Variants in HDAC4 observed in about 807,000 individuals in gnomAD.
HDAC4 encodes the protein histone deacetylase A.
A neutral mutation model predicts 135.1 loss-of-function variants in HDAC4; 16 were observed. The observed-to-expected ratio is 0.12, with a 90% confidence interval of 0.08 to 0.18. HDAC4 has a LOEUF of 0.18. Ranked by LOEUF, HDAC4 falls within the 10% of genes least tolerant of loss-of-function variation. The pLI, the probability that HDAC4 is intolerant of heterozygous loss-of-function variation, is 1.00. For missense variants in HDAC4, 1,143 were observed against 1,511.8 expected, an observed-to-expected ratio of 0.76 and a Z score of 4.05; for synonymous variants, 685 against 653.4, an observed-to-expected ratio of 1.05 and a Z score of -0.74.
rs757172026 is a variant in HDAC4 at position 239,134,616 on chromosome 2, G to T, written c.1006C>A (p.Arg336=). The part of the protein sequence containing the change: ...ETSLAHRLVA[R]EGSAAPLPLY... ...GGAAGTGGAGCGGCCGAGCCTTCTC[G>T]TGCCACAAGTCTGTGCGCCAAACTC... is the stretch of plus-strand genomic sequence containing the variant. Residue 336 remains arginine, a synonymous_variant, in exon 10 of 27, where the codon CGA becomes AGA. Coordinates refer to ENST00000543185, the MANE Select transcript of HDAC4 (RefSeq NM_001378414.1). The T allele has an allele frequency of 4.3e-6, 7 of 1,614,094 alleles. No individual in the cohort carries two copies. In the South Asian group the frequency reaches 5.5e-5, roughly 13 times the overall value.
At chr2:239,228,068 C>T (rs2047342198) in intron 3 of HDAC4, among the ~76,000 whole-genome samples, 1 of 152,164 alleles carries the variant, frequency 6.6e-6, no homozygotes, top group South Asian at 2.1e-4. Context: ...GGTGGTTGAG[C>T]TGCAGGAAGG....
At chr2:239,187,181 C>G (rs957103721) in intron 4 of HDAC4, 1 of 152,456 alleles carries the variant, frequency 6.6e-6, no homozygotes, top group African/African-American at 2.4e-5. Flanking sequence ...GCAGGGAAGC[C>G]GGAGTGAGTG....
intron 22 of HDAC4, among the ~76,000 whole-genome samples, chr2:239,074,156 G>A (rs974006314): frequency 2.0e-5 from 3 of 152,204 alleles, no homozygotes; most frequent in South Asian, 2.1e-4. Context: ...AAGGAGACTC[G>A]CTTCTAATTA....
At chr2:239,260,819 T>C (rs767568908) in intron 2 of HDAC4, among the ~76,000 whole-genome samples, 3 of 152,112 alleles carry the variant, frequency 2.0e-5, no homozygotes, top group Non-Finnish European at 4.4e-5. Flanking sequence ...CGGCTCACAT[T>C]GCATTGTGCA....
At chr2:239,169,904 A>T (rs2043348135) in intron 5 of HDAC4, among the ~76,000 whole-genome samples, 1 of 152,144 alleles carries the variant, frequency 6.6e-6, no homozygotes, top group Non-Finnish European at 1.5e-5. Context: ...TATCTAATCA[A>T]TGTGCCAGGA....
At chr2:239,199,834 C>T (rs369007136) in intron 3 of HDAC4, among the ~76,000 whole-genome samples, 14 of 152,162 alleles carry the variant, frequency 9.2e-5, no homozygotes, top group South Asian at 2.1e-4. Context: ...CCCGGGCTCA[C>T]GCCATTCTCC....
intron 7 of HDAC4, among the ~76,000 whole-genome samples, chr2:239,148,325 T>C (rs1038752981): frequency 3.3e-5 from 5 of 151,840 alleles, no homozygotes; most frequent in Non-Finnish European, 7.4e-5. Context: ...GATAAAAAGA[T>C]GAAAAATGGG....
chr2:239,275,311 C>T (rs1243919080), intron 2 of HDAC4, among the ~76,000 whole-genome samples: 3 of 152,254 alleles, frequency 2.0e-5, no homozygotes, highest in Non-Finnish European at 2.9e-5. Context: ...GCTTTCTTCA[C>T]ATGTGGTTTG....
rs1352183799 is a variant in HDAC4, at chr2:239,400,174, A to G, written c.-220+804T>C. On this transcript the variant is annotated intron_variant, in intron 1 of 26. Coordinates refer to ENST00000543185, the MANE Select transcript of HDAC4 (RefSeq NM_001378414.1). This position sits in a 1 kb window ranked among gnomAD's most constrained non-coding sequence, Gnocchi z 4.7. ...CGGCCTGCTGGCGCCCTGCGGGCTG[A>G]GCCGAGCGGGTCCCGGGCAGCCCCC... is the stretch of plus-strand genomic sequence containing the variant. Among the ~76,000 whole-genome samples the G allele has an allele frequency of 6.6e-6, 1 of 151,398 alleles. No homozygotes were observed. Among genetic ancestry groups the G allele is most frequent in the Non-Finnish European group, 1.5e-5 (1 of 67,804 alleles).
intron 11 of HDAC4, among the ~76,000 whole-genome samples, chr2:239,132,862 C>A (rs6743011): frequency 6.6e-6 from 1 of 152,052 alleles, no homozygotes; most frequent in African/African-American, 2.4e-5. Context: ...TAAAGACAGG[C>A]GAGAAACTCA....
intron 2 of HDAC4, among the ~76,000 whole-genome samples, chr2:239,250,906 TC>T (rs1184410284): frequency 6.6e-6 from 1 of 152,132 alleles, no homozygotes; most frequent in African/African-American, 2.4e-5. Context: ...GATCCTCCCC[TC>T]TGCAGACCCG....
At chr2:239,242,339 T>C (rs1184936033) in intron 2 of HDAC4, among the ~76,000 whole-genome samples, 1 of 152,222 alleles carries the variant, frequency 6.6e-6, no homozygotes, top group African/African-American at 2.4e-5. Context: ...TTTCAATCCA[T>C]GAACATGGGC....
intron 2 of HDAC4, among the ~76,000 whole-genome samples, chr2:239,238,070 G>C (rs1349895544): frequency 6.6e-6 from 1 of 152,096 alleles, no homozygotes; most frequent in Non-Finnish European, 1.5e-5. Context: ...CTTTCTCAAA[G>C]AACATGGCCA....
At position 239,293,557 on chromosome 2, in the gene HDAC4, A is replaced by G. The variant is rs74786505; in HGVS notation, c.23-56893T>C. Among the ~76,000 whole-genome samples, 223 of 152,310 alleles carry G rather than the reference A, an allele frequency of 1.5e-3. 1 individual carries two copies. Among genetic ancestry groups the G allele is most frequent in the African/African-American group, 5.2e-3 (217 of 41,562 alleles). ...CTACCATGAGGTAGTTAAGGGGTCA[A>G]GAGCCAGGCAGAAGCTGAGAGCAGG... On this transcript the variant is annotated intron_variant, in intron 2 of 26. Coordinates refer to ENST00000543185, the MANE Select transcript of HDAC4 (RefSeq NM_001378414.1).
At chr2:239,339,430 T>G (rs1196342438) in intron 2 of HDAC4, among the ~76,000 whole-genome samples, 1 of 152,194 alleles carries the variant, frequency 6.6e-6, no homozygotes, top group Non-Finnish European at 1.5e-5. Flanking sequence ...GAGCCACCCC[T>G]GGGCAGTGAT....
At position 239,331,333 on chromosome 2, in the gene HDAC4, G is replaced by A. The variant is rs143126629; in HGVS notation, c.22+21345C>T. ...GAAGACAAGCAGGAAGGGGTGGGGT[G>A]GCCCTGCCCACTGCATTTCTGGTCA... On this transcript the variant is annotated intron_variant, in intron 2 of 26. Transcript: ENST00000543185. The surrounding 1 kb of genome is among the most constrained non-coding windows in gnomAD (Gnocchi z 4.5). Among the ~76,000 whole-genome samples, 223 of 152,262 alleles carry A rather than the reference G, an allele frequency of 1.5e-3. 1 individual carries two copies. Among genetic ancestry groups the A allele is most frequent in the African/African-American group, 5.0e-3 (208 of 41,542 alleles).
chr2:239,105,515 G>A (rs2038044561), intron 15 of HDAC4, among the ~76,000 whole-genome samples: 1 of 152,212 alleles, frequency 6.6e-6, no homozygotes, highest in Admixed American at 6.5e-5. Context: ...ACGTCTTGCT[G>A]GGCCGGCCTG....
intron 2 of HDAC4, among the ~76,000 whole-genome samples, chr2:239,283,753 G>A (rs1226728558): frequency 6.6e-6 from 1 of 152,258 alleles, no homozygotes; most frequent in African/African-American, 2.4e-5. Flanking sequence ...TCATGGAATT[G>A]GAGAGGATCA....
intron 2 of HDAC4, among the ~76,000 whole-genome samples, chr2:239,329,904 G>A (rs180914577): frequency 9.7e-4 from 148 of 152,064 alleles, no homozygotes; most frequent in African/African-American, 3.2e-3. Flanking sequence ...AGGCGGCCAC[G>A]GGTGTCTGTG....
Sources: gnomAD v4.1 joint callset for allele counts (sites outside exome capture counted in the v4.1 genomes callset) on GRCh38, gnomAD v4.1.1 for gene constraint, Gnocchi (gnomAD v3.1) non-coding constraint, MANE v1.5 for transcripts, NCBI Gene and HGNC (gene_info 2026-07-23, HGNC 2026-07-21) for gene names.